Variants in GSG1 observed in about 807,000 individuals in gnomAD.
GSG1 encodes the protein germ cell associated 1.
GSG1 carries 28 observed loss-of-function variants against 30.8 expected under a neutral mutation model. The observed-to-expected ratio is 0.91, with a 90% CI of 0.67 to 1.25. GSG1 has a LOEUF of 1.25. Among genes scored for constraint, GSG1 ranks in the 50% most tolerant of loss-of-function variants. The pLI is 0.00. For synonymous variants in GSG1, 162 were observed against 178.0 expected, an observed-to-expected ratio of 0.91 and a Z score of 0.71; for missense variants, 435 against 444.7, an observed-to-expected ratio of 0.98 and a Z score of 0.20.
At chr12:13,089,486 A>G (rs1044830250) in intron 2 of GSG1, 1 of 670,284 alleles carries the variant, frequency 1.5e-6, no homozygotes, top group Non-Finnish European at 2.4e-6. Flanking sequence ...TCTTCAGCTC[A>G]TTCCTCCAAA....
intron 1 of GSG1, chr12:13,095,591 C>T (rs1301855239): frequency 6.2e-7 from 1 of 1,614,146 alleles, no homozygotes; most frequent in Admixed American, 1.7e-5. Context: ...GGAGGGGAAG[C>T]CGGTTACCTT....
chr12:13,101,687 G>T lies in GSG1; in HGVS notation c.48+1778C>A, dbSNP rs910982838. Among the ~76,000 whole-genome samples the T allele has an allele frequency of 2.0e-5, 3 of 152,202 alleles. No homozygotes were observed. Among genetic ancestry groups the T allele is most frequent in the Non-Finnish European group, 4.4e-5 (3 of 68,028 alleles). ...CACCCAGGCCGGTGGGCCAGGGCTC[G>T]GGATGTGTCGAGCTGCTGGAGTCCA... On this transcript the variant is annotated intron_variant, in intron 1 of 6. Transcript: ENST00000651961. This position sits in a 1 kb window ranked among gnomAD's most constrained non-coding sequence, Gnocchi z 5.8.
intron 1 of GSG1, chr12:13,095,830 G>A: frequency 6.9e-7 from 1 of 1,444,070 alleles, no homozygotes; most frequent in Non-Finnish European, 9.1e-7. Flanking sequence ...GGGCCCAGCT[G>A]TTCTGGGAGA....
rs776382474 is a variant in GSG1 at position 13,090,812 on chromosome 12, G to T, written c.55C>A (p.Leu19Ile). ...QNVCLTQEME[L>I]SKAFSGQRTL... ...CGCTGGCCAGAGAAGGCCTTCGAGA[G>T]CTCCATCTGTAATAGACAAGCACAA... is the stretch of plus-strand genomic sequence containing the variant. Residue 19 changes from leucine (L) to isoleucine (I), a missense_variant, in exon 2 of 7, where the codon CTC becomes ATC. Leu to Ile is a conservative substitution (Grantham distance 5, BLOSUM62 2). Transcript: ENST00000651961. 5.6e-6 allele frequency: 9 copies of T among 1,609,054 alleles called. No individual in the cohort carries two copies. The South Asian group carries it at 1.0e-4, about 18-fold the overall frequency.
chr12:13,100,271 G>T (rs986310075), intron 1 of GSG1, among the ~76,000 whole-genome samples: 1 of 152,184 alleles, frequency 6.6e-6, no homozygotes, highest in Non-Finnish European at 1.5e-5. Context: ...AAGGAAACAG[G>T]ACGCTTCTGG....
intron 1 of GSG1, 116 bp from the exon 2 acceptor site, chr12:13,090,934 A>G: frequency 2.4e-6 from 2 of 816,986 alleles, no homozygotes; most frequent in Non-Finnish European, 3.8e-6. Context: ...TACTCCTCCA[A>G]GGCAGATAGG....
intron 1 of GSG1, among the ~76,000 whole-genome samples, chr12:13,096,323 A>G (rs747729141): frequency 2.4e-4 from 36 of 151,900 alleles, no homozygotes; most frequent in Non-Finnish European, 4.6e-4. Flanking sequence ...AACACAAAAA[A>G]ATTAGCCGGG....
At position 13,088,853 on chromosome 12, in the gene GSG1, C is replaced by A. The variant is rs753298883; in HGVS notation, c.481+9G>T. On this transcript the variant is annotated intron_variant, in intron 4 of 6. Transcript: ENST00000651961. ...TGCAACGTGGCAAATTCCAGTAGTC[C>A]TTTCTCACCTCTCTTGGCTGGTGGT... 6.2e-7 allele frequency: 1 copy of A among 1,614,172 alleles called. No individual in the cohort carries two copies. The highest frequency in any genetic ancestry group is 1.1e-5 in the South Asian group (1 of 91,082).
intron 1 of GSG1, among the ~76,000 whole-genome samples, chr12:13,097,575 G>T (rs529120810): frequency 5.3e-5 from 8 of 152,068 alleles, no homozygotes; most frequent in Admixed American, 1.3e-4. Context: ...TTCCTCAAAG[G>T]TCTCACTTTC....
rs190903880 is a variant in GSG1 at position 13,084,524 on chromosome 12, C to G, written c.*377G>C. 1 of 170,760 alleles carries G rather than the reference C, an allele frequency of 5.9e-6. No individual in the cohort carries two copies. Among genetic ancestry groups the G allele is most frequent in the African/African-American group, 2.4e-5 (1 of 42,078 alleles). The allele number at this position is 170,760 out of a possible 1,614,324, so 10.6% of individuals were successfully genotyped here. ...GAAAGTTGAGCCACAGTCACACTAC[C>G]GTTAATTTGCTCACCTCCATTTCTC... On this transcript the variant is annotated 3_prime_UTR_variant, in exon 7 of 7. Transcript: ENST00000651961.
At chr12:13,097,315 T>G (rs961404547) in intron 1 of GSG1, among the ~76,000 whole-genome samples, 7 of 152,152 alleles carry the variant, frequency 4.6e-5, no homozygotes, top group African/African-American at 1.7e-4. Flanking sequence ...CTTTTCTCCC[T>G]AGGACAGACA....
In GSG1 at chr12:13,102,841, A is replaced by C. The variant is rs963833941; in HGVS notation, c.48+624T>G. The stretch of plus-strand genomic sequence containing the variant: ...GCTGGTCGTTTCTGAATGTAGGTCA[A>C]ATGCTAAACAAGCCGCAACTTCTCT... On this transcript the variant is annotated intron_variant, in intron 1 of 6. Coordinates refer to ENST00000651961, the MANE Select transcript of GSG1 (RefSeq NM_001080555.4). Among the ~76,000 whole-genome samples, 4 of 152,344 alleles carry C rather than the reference A, an allele frequency of 2.6e-5. No individual in the cohort carries two copies. In the South Asian group the frequency reaches 8.3e-4, roughly 32 times the overall value.
Position 13,103,655 on chromosome 12 carries a change from G to A in GSG1, c.-143C>T. 1.1e-6 allele frequency: 1 copy of A among 876,592 alleles called. No homozygotes were observed. Among genetic ancestry groups the A allele is most frequent in the Non-Finnish European group, 1.8e-6 (1 of 542,502 alleles). The allele number at this position is 876,592 out of a possible 1,614,324, so 54.3% of individuals were successfully genotyped here. A position where few individuals can be genotyped will look rare whatever the true frequency, so the allele number is the denominator to read the frequency against. On this transcript the variant is annotated 5_prime_UTR_variant, in exon 1 of 7. Transcript: ENST00000651961. ...GGGTAAGGTGGTGTGTGGTGGATTG[G>A]AGAGGATGTCCTGAGGGCCAGACAC...
rs150827186 is a variant in GSG1, at chr12:13,089,498, C to T, written c.365-222G>A. The T allele has an allele frequency of 6.8e-4, 415 of 612,560 alleles. 7 individuals are homozygous for T. In the East Asian group the frequency reaches 0.011, roughly 17 times the overall value. 37.9% of individuals were successfully genotyped at this position (612,560 alleles called of 1,614,324 possible). A position where few individuals can be genotyped will look rare whatever the true frequency, so the allele number is the denominator to read the frequency against. Reference sequence around the variant, plus strand: ...GTGTCTTCAGCTCATTCCTCCAAACCTGAGGAACGCACATCGACCAGCACC... The same window carrying T: ...GTGTCTTCAGCTCATTCCTCCAAACTTGAGGAACGCACATCGACCAGCACC... On this transcript the variant is annotated intron_variant, in intron 2 of 6. Transcript: ENST00000651961.
At chr12:13,089,146 A>G in intron 3 of GSG1, 62 bp downstream of exon 3, 4 of 1,489,338 alleles carry the variant, frequency 2.7e-6, no homozygotes, top group Non-Finnish European at 3.7e-6. Context: ...GAGCACCTAC[A>G]TAGCTTAGTG....
chr12:13,098,456 ATTTTTTTTTTTTTTTTTT>A (rs771887535), intron 1 of GSG1, among the ~76,000 whole-genome samples: 874 of 47,380 alleles, frequency 0.018, 9 homozygotes, highest in African/African-American at 0.069. Flanking sequence ...CATGTAGCCC[ATTTTTTTTTTTTTTTTTT>A]TTTTTTTTTT....
chr12:13,087,092 G>A (rs1865603704), intron 6 of GSG1, 60 bp downstream of exon 6: 4 of 1,126,880 alleles, frequency 3.5e-6, no homozygotes, highest in African/African-American at 3.0e-5. Context: ...CTAGCTGAGG[G>A]CAGAAAATCT....
At chr12:13,089,360 A>T in intron 2 of GSG1, 84 bp from the exon 3 acceptor site, 1 of 1,540,840 alleles carries the variant, frequency 6.5e-7, no homozygotes, top group Non-Finnish European at 8.7e-7. Context: ...TGAAATAGGG[A>T]GAAGTAGCAG....
chr12:13,099,737 G>C (rs887061201), intron 1 of GSG1, among the ~76,000 whole-genome samples: 5 of 138,856 alleles, frequency 3.6e-5, no homozygotes, highest in African/African-American at 1.4e-4. Context: ...TAAGGGATCC[G>C]GTGTTTTTTT....
Sources: gnomAD v4.1 joint callset for allele counts (sites outside exome capture counted in the v4.1 genomes callset) on GRCh38, gnomAD v4.1.1 for gene constraint, Gnocchi (gnomAD v3.1) non-coding constraint, MANE v1.5 for transcripts, NCBI Gene and HGNC (gene_info 2026-07-23, HGNC 2026-07-21) for gene names.